Variants in RFTN2 observed in about 807,000 individuals in gnomAD.
RFTN2 encodes raftlin family member 2.
In RFTN2, 34 loss-of-function variants were observed where a neutral mutation model predicts 52.7. The ratio of observed to expected loss-of-function variants is 0.64; its 90% CI spans 0.49 to 0.86. The LOEUF is 0.86. Among genes scored for constraint, RFTN2 ranks in the 40% least tolerant of loss-of-function variants. The probability of loss-of-function intolerance (pLI) is 0.00; values close to 1 mark genes in which losing one functional copy is unlikely to be tolerated. For synonymous variants in RFTN2, 203 were observed against 217.7 expected (o/e 0.93, Z 0.59); for missense variants, 536 against 600.1 (o/e 0.89, Z 1.12).
rs191707297 is a variant in RFTN2, at chr2:197,596,788, C to T, written c.1155-719G>A. On this transcript the variant is annotated intron_variant, in intron 7 of 8. Transcript: ENST00000295049. The stretch of plus-strand genomic sequence containing the variant: ...CTGCCACATGTGAGAAAATTTACAT[C>T]CATTTTCAATTGAGGGACTTCAACT... Among the ~76,000 whole-genome samples the T allele has an allele frequency of 7.6e-4, 115 of 152,262 alleles. 1 individual carries two copies. The highest frequency in any genetic ancestry group is 2.6e-3 in the African/African-American group (109 of 41,552).
intron 5 of RFTN2, among the ~76,000 whole-genome samples, chr2:197,620,986 CAG>C (rs2106218402): frequency 6.6e-6 from 1 of 151,602 alleles, no homozygotes; most frequent in African/African-American, 2.4e-5. Context: ...CAAAACAAAA[CAG>C]AAAAATGAAA....
chr2:197,590,673 G>A (rs1057075073), intron 8 of RFTN2, among the ~76,000 whole-genome samples: 20 of 152,120 alleles, frequency 1.3e-4, no homozygotes, highest in Non-Finnish European at 2.8e-4. Context: ...GGATGTGTTC[G>A]GAGTTTCTTC....
intron 1 of RFTN2, among the ~76,000 whole-genome samples, chr2:197,672,402 A>C (rs758975547): frequency 7.9e-5 from 12 of 152,232 alleles, no homozygotes; most frequent in Non-Finnish European, 1.6e-4. Context: ...TGAAGAGAAC[A>C]TATAAGTAAC....
Position 197,633,769 on chromosome 2 carries a change from G to C in RFTN2, c.667C>G (p.Gln223Glu). The C allele has an allele frequency of 6.2e-7, 1 of 1,613,620 alleles. No individual in the cohort carries two copies. The highest frequency in any genetic ancestry group is 8.5e-7 in the Non-Finnish European group (1 of 1,179,742). Residue 223 changes from glutamine (Q) to glutamate (E), a missense_variant, in exon 4 of 9, where the codon CAA (glutamine) becomes GAA (glutamate). Coordinates refer to ENST00000295049, the MANE Select transcript of RFTN2 (RefSeq NM_144629.3). Reference sequence around the variant, plus strand: ...GTAGGGCTGCCATTTTGTTCCATTTGATACTGTCCACTTTCATGATGAAGT... The same window carrying C: ...GTAGGGCTGCCATTTTGTTCCATTTCATACTGTCCACTTTCATGATGAAGT... Reference protein sequence around the residue: ...EELHHESGQYQMEQNGSPTSS... With the variant: ...EELHHESGQYEMEQNGSPTSS...
intron 3 of RFTN2, among the ~76,000 whole-genome samples, chr2:197,642,923 G>A (rs569517203): frequency 1.3e-5 from 2 of 152,136 alleles, no homozygotes; most frequent in African/African-American, 2.4e-5. Flanking sequence ...AGACTGCAGC[G>A]AGCTATGATT....
Position 197,595,973 on chromosome 2 carries a change from A to G in RFTN2, c.1233+18T>C, listed in dbSNP as rs1453373813. The G allele has an allele frequency of 2.7e-6, 4 of 1,494,986 alleles. No individual in the cohort carries two copies. Among genetic ancestry groups the G allele is most frequent in the Admixed American group, 1.7e-5 (1 of 59,030 alleles). The allele number at this position is 1,494,986 out of a possible 1,614,324, so 92.6% of individuals were successfully genotyped here. ...CTTCAATATAACATTCAGTTAATAA[A>G]GCATCAATTTTACTCACATCTGGTG... On this transcript the variant is annotated intron_variant, in intron 8 of 8. Coordinates refer to ENST00000295049, the MANE Select transcript of RFTN2 (RefSeq NM_144629.3).
rs148457557 is a variant in RFTN2 at position 197,655,770 on chromosome 2, G to A, written c.140-9104C>T. Among the ~76,000 whole-genome samples the A allele has an allele frequency of 3.1e-3, 478 of 152,228 alleles. 6 individuals are homozygous for A. The highest frequency in any genetic ancestry group is 0.011 in the African/African-American group (460 of 41,514). On this transcript the variant is annotated intron_variant, in intron 1 of 8. Coordinates refer to ENST00000295049, the MANE Select transcript of RFTN2 (RefSeq NM_144629.3). ...ACCTAGGAGGTGGAGGTTGAAGTGA[G>A]CCGATACCACACCACTGCACTCCAG...
At chr2:197,609,720 A>C (rs1308374281) in intron 7 of RFTN2, among the ~76,000 whole-genome samples, 1 of 152,162 alleles carries the variant, frequency 6.6e-6, no homozygotes, top group Non-Finnish European at 1.5e-5. Flanking sequence ...GGTATTGCCC[A>C]GGTTTTCTTC....
intron 1 of RFTN2, among the ~76,000 whole-genome samples, chr2:197,652,376 C>T (rs772798237): frequency 1.3e-5 from 2 of 152,126 alleles, no homozygotes; most frequent in African/African-American, 4.8e-5. Flanking sequence ...TGCAGCATTA[C>T]CAATACTCTT....
intron 8 of RFTN2, among the ~76,000 whole-genome samples, chr2:197,578,001 G>A (rs965761845): frequency 5.3e-5 from 8 of 152,152 alleles, no homozygotes; most frequent in African/African-American, 1.9e-4. Flanking sequence ...ACAGGCGTGA[G>A]CCACCGCGCC....
At chr2:197,585,840 G>A (rs899900917) in intron 8 of RFTN2, among the ~76,000 whole-genome samples, 4 of 152,036 alleles carry the variant, frequency 2.6e-5, no homozygotes, top group Non-Finnish European at 5.9e-5. Flanking sequence ...TCAGCAAGCT[G>A]CCGCCCTCCT....
At chr2:197,582,814 G>A (rs74265509) in intron 8 of RFTN2, among the ~76,000 whole-genome samples, 1,743 of 152,258 alleles carry the variant, frequency 0.011, 15 homozygotes, top group South Asian at 0.023. Flanking sequence ...TTCACTGCAA[G>A]AGCCATCAAA....
intron 1 of RFTN2, among the ~76,000 whole-genome samples, chr2:197,652,944 G>A (rs2088844661): frequency 1.3e-5 from 2 of 152,300 alleles, no homozygotes; most frequent in Admixed American, 1.3e-4. Flanking sequence ...TAATGTGATC[G>A]TTGGCTATCT....
At chr2:197,634,896 C>G (rs2088537893) in intron 3 of RFTN2, among the ~76,000 whole-genome samples, 1 of 129,922 alleles carries the variant, frequency 7.7e-6, no homozygotes, top group Non-Finnish European at 1.6e-5. Flanking sequence ...CTCCCCCCAC[C>G]CCACAACAGT....
chr2:197,606,441 T>C (rs545683479), intron 7 of RFTN2, among the ~76,000 whole-genome samples: 1 of 152,314 alleles, frequency 6.6e-6, no homozygotes, highest in East Asian at 1.9e-4. Flanking sequence ...AACTGCTCAG[T>C]CACTTGTGAA....
chr2:197,666,141 G>A (rs1357903426), intron 1 of RFTN2, among the ~76,000 whole-genome samples: 1 of 151,884 alleles, frequency 6.6e-6, no homozygotes, highest in Non-Finnish European at 1.5e-5. Flanking sequence ...CTGGAGTGCA[G>A]TGGTGTGATC....
intron 5 of RFTN2, among the ~76,000 whole-genome samples, chr2:197,620,963 CT>C (rs1255794451): frequency 6.6e-6 from 1 of 152,106 alleles, no homozygotes; most frequent in Non-Finnish European, 1.5e-5. Context: ...AAGACTCCAT[CT>C]CAAAAACAAA....
At chr2:197,635,984 T>A (rs1432107655) in intron 3 of RFTN2, among the ~76,000 whole-genome samples, 1 of 137,912 alleles carries the variant, frequency 7.3e-6, no homozygotes, top group Non-Finnish European at 1.6e-5. Flanking sequence ...GCACCATTTA[T>A]TAAATAGGGA....
At chr2:197,655,020 A>G (rs1271990484) in intron 1 of RFTN2, among the ~76,000 whole-genome samples, 2 of 152,116 alleles carry the variant, frequency 1.3e-5, no homozygotes, top group African/African-American at 4.8e-5. Flanking sequence ...CAAACAAGCA[A>G]ACCAACAAAA....
Sources: allele counts gnomAD v4.1 joint callset (sites outside exome capture counted in the v4.1 genomes callset), GRCh38; gene constraint gnomAD v4.1.1; transcripts MANE v1.5; gene names NCBI Gene and HGNC (gene_info 2026-07-23, HGNC 2026-07-21).